Variants in FTCDNL1 observed in about 807,000 individuals in gnomAD.
FTCDNL1 encodes the protein formiminotransferase cyclodeaminase N-terminal like, also known as formiminotransferase N-terminal subdomain-containing protein.
FTCDNL1 carries 11 observed loss-of-function variants against 5.9 expected under a neutral mutation model. The observed-to-expected ratio is 1.87, with a 90% CI of 1.18 to 3.10. The LOEUF (loss-of-function observed/expected upper bound fraction) is 3.10. FTCDNL1 is among the 30% of genes most tolerant of loss of function. The pLI is 0.00. For synonymous variants in FTCDNL1, 58 were observed against 24.8 expected, an observed-to-expected ratio of 2.34 and a Z score of -3.99; for missense variants, 115 against 65.5, an observed-to-expected ratio of 1.76 and a Z score of -2.61.
At chr2:199,701,299 T>TA in the FTCDNL1 span, among the ~76,000 whole-genome samples, 3 of 72,386 alleles carry the variant, frequency 4.1e-5, no homozygotes, top group African/African-American at 1.3e-4. Context: ...CTTGAAAGTT[T>TA]AAAAAAAAAA....
At chr2:199,736,837 C>G in the FTCDNL1 span, among the ~76,000 whole-genome samples, 1 of 152,196 alleles carries the variant, frequency 6.6e-6, no homozygotes, top group Non-Finnish European at 1.5e-5. Context: ...AAGCAATAGT[C>G]AATTGAACTG....
intron 3 of FTCDNL1, among the ~76,000 whole-genome samples, chr2:199,773,282 A>T (rs2106295459): frequency 6.6e-6 from 1 of 152,238 alleles, no homozygotes; most frequent in African/African-American, 2.4e-5. Flanking sequence ...ATATACACAA[A>T]CATACACTAA....
chr2:199,723,508 T>C, the FTCDNL1 span, among the ~76,000 whole-genome samples: 1 of 152,168 alleles, frequency 6.6e-6, no homozygotes, highest in Admixed American at 6.5e-5. Context: ...CAGTATGATA[T>C]TGGCTGTGGG....
At chr2:199,666,637 T>C in the FTCDNL1 span, among the ~76,000 whole-genome samples, 1 of 152,194 alleles carries the variant, frequency 6.6e-6, no homozygotes, top group Non-Finnish European at 1.5e-5. Flanking sequence ...GATACCTTGG[T>C]CCAGGGTGGT....
the FTCDNL1 span, among the ~76,000 whole-genome samples, chr2:199,735,043 A>G: frequency 6.7e-6 from 1 of 150,352 alleles, no homozygotes; most frequent in African/African-American, 2.4e-5. Flanking sequence ...CTCAAAACGC[A>G]TATCAAGGCT....
At chr2:199,702,831 C>T in the FTCDNL1 span, among the ~76,000 whole-genome samples, 5 of 152,000 alleles carry the variant, frequency 3.3e-5, no homozygotes, top group African/African-American at 1.2e-4. Flanking sequence ...GAAAGTAAAA[C>T]GAAGTGAGGA....
the FTCDNL1 span, among the ~76,000 whole-genome samples, chr2:199,675,474 A>G: frequency 6.6e-6 from 1 of 152,208 alleles, no homozygotes; most frequent in Non-Finnish European, 1.5e-5. Context: ...TAAAATTAAT[A>G]ACTACATTAG....
chr2:199,770,896 CAG>C (rs1370048367), intron 3 of FTCDNL1, among the ~76,000 whole-genome samples: 3 of 152,186 alleles, frequency 2.0e-5, no homozygotes, highest in African/African-American at 7.2e-5. Flanking sequence ...AGCAGATGCA[CAG>C]AGAGAGCTGC....
chr2:199,807,826 A>C (rs550125506), downstream of FTCDNL1, among the ~76,000 whole-genome samples: 30 of 152,334 alleles, frequency 2.0e-4, no homozygotes, highest in South Asian at 6.0e-3. Flanking sequence ...CTATTAGTAG[A>C]TAACAGAAAT....
intron 3 of FTCDNL1, among the ~76,000 whole-genome samples, chr2:199,786,980 C>T (rs988975200): frequency 2.6e-5 from 4 of 152,160 alleles, no homozygotes; most frequent in African/African-American, 9.7e-5. Context: ...TTAGAGGCTG[C>T]CCTCTTTCCC....
the FTCDNL1 span, among the ~76,000 whole-genome samples, chr2:199,727,292 G>A: frequency 6.6e-6 from 1 of 152,172 alleles, no homozygotes; most frequent in Non-Finnish European, 1.5e-5. Flanking sequence ...CTGCAGTGAT[G>A]GCAGCCTCCC....
At chr2:199,674,682 C>CT in the FTCDNL1 span, among the ~76,000 whole-genome samples, 3 of 152,150 alleles carry the variant, frequency 2.0e-5, no homozygotes, top group Non-Finnish European at 4.4e-5. Flanking sequence ...CATATGCACA[C>CT]TTTATTTTGT....
chr2:199,730,114 T>G, the FTCDNL1 span, among the ~76,000 whole-genome samples: 1 of 152,144 alleles, frequency 6.6e-6, no homozygotes, highest in Non-Finnish European at 1.5e-5. Flanking sequence ...GATTCCCTAT[T>G]TAATAAATGG....
At chr2:199,785,679 G>C (rs1192756114) in intron 3 of FTCDNL1, 1 of 152,136 alleles carries the variant, frequency 6.6e-6, no homozygotes, top group East Asian at 1.9e-4. Flanking sequence ...CAGGGTCTCT[G>C]TTGCCCAGGT....
chr2:199,738,370 A>T, the FTCDNL1 span, among the ~76,000 whole-genome samples: 1 of 152,226 alleles, frequency 6.6e-6, no homozygotes. Flanking sequence ...TTTATTTGAA[A>T]GCCAGAAGCA....
downstream of FTCDNL1, among the ~76,000 whole-genome samples, chr2:199,759,208 C>T (rs1444261672): frequency 6.6e-6 from 1 of 151,474 alleles, no homozygotes; most frequent in Non-Finnish European, 1.5e-5. Context: ...AGTAGATACA[C>T]CAATTGATAA....
the FTCDNL1 span, among the ~76,000 whole-genome samples, chr2:199,746,900 T>A: frequency 6.6e-6 from 1 of 152,120 alleles, no homozygotes; most frequent in Admixed American, 6.6e-5. Context: ...CTTCCCTCCC[T>A]CACGCCTCCC....
At chr2:199,848,348 G>A (rs1237289560) in intron 2 of FTCDNL1, among the ~76,000 whole-genome samples, 2 of 152,232 alleles carry the variant, frequency 1.3e-5, no homozygotes, top group East Asian at 3.8e-4. Flanking sequence ...TCTATACAGA[G>A]AAAAGAGGGT....
At chr2:199,746,881 T>G in the FTCDNL1 span, among the ~76,000 whole-genome samples, 2 of 152,180 alleles carry the variant, frequency 1.3e-5, no homozygotes, top group Non-Finnish European at 2.9e-5. Context: ...ATGATCCTTC[T>G]TAACTCCTCT....
Sources: gnomAD v4.1 joint callset for allele counts (sites outside exome capture counted in the v4.1 genomes callset) on GRCh38, gnomAD v4.1.1 for gene constraint, MANE v1.5 for transcripts, NCBI Gene and HGNC (gene_info 2026-07-23, HGNC 2026-07-21) for gene names.